Variants in SLC2A8 observed in about 807,000 individuals in gnomAD.
SLC2A8 encodes solute carrier family 2 member 8.
Under a neutral mutation model 49.2 loss-of-function variants are expected in SLC2A8, and 53 were observed. The ratio of observed to expected loss-of-function variants is 1.08; its 90% CI spans 0.86 to 1.35. SLC2A8 has a LOEUF of 1.35. Ranked by LOEUF, SLC2A8 falls within the 40% of genes most tolerant of loss-of-function variation. The probability of loss-of-function intolerance (pLI) is 0.00; values close to 1 mark genes in which losing one functional copy is unlikely to be tolerated. For missense variants in SLC2A8, 688 were observed against 671.7 expected, an observed-to-expected ratio of 1.02 and a Z score of -0.27; for synonymous variants, 299 against 297.0, an observed-to-expected ratio of 1.01 and a Z score of -0.07.
chr9:127,402,761 G>C lies in SLC2A8; in HGVS notation c.723+8G>C, dbSNP rs751957849. Reference sequence around the variant, plus strand: ...CCCATCGGGGCTGAGCAGGTGAGAGGCTGGAAGGCAGAGCTGACAGGAGTG... The same window carrying C: ...CCCATCGGGGCTGAGCAGGTGAGAGCCTGGAAGGCAGAGCTGACAGGAGTG... On this transcript the variant is annotated splice_region_variant and intron_variant, in intron 5 of 9. Transcript: ENST00000373371. 1.3e-6 allele frequency: 2 copies of C among 1,529,970 alleles called. No individual in the cohort carries two copies. The highest frequency in any genetic ancestry group is 1.8e-6 in the Non-Finnish European group (2 of 1,137,712). 94.8% of individuals were successfully genotyped at this position (1,529,970 alleles called of 1,614,324 possible).
At position 127,403,578 on chromosome 9, in the gene SLC2A8, C is replaced by G. The variant is rs1334943166; in HGVS notation, c.724-82C>G. 1.9e-6 allele frequency: 3 copies of G among 1,565,628 alleles called. No individual in the cohort carries two copies. In the African/African-American group the frequency reaches 4.0e-5, roughly 21 times the overall value. On this transcript the variant is annotated intron_variant, in intron 5 of 9. Transcript: ENST00000373371. ...GACGTGGGAGTCAGCGCTCCCCAAG[C>G]CTTAGGACAGTAGACCCCCAGAGGG...
chr9:127,403,235 CG>C (rs1833359167), intron 5 of SLC2A8: 2 of 86,122 alleles, frequency 2.3e-5, no homozygotes, highest in Non-Finnish European at 4.5e-5. Flanking sequence ...GAAAGGAAGG[CG>C]GGGCTTAGGG....
In SLC2A8 at chr9:127,397,547, C is replaced by T; in HGVS notation, c.219+9C>T. 7.1e-7 allele frequency: 1 copy of T among 1,402,756 alleles called. No homozygotes were observed. The allele number at this position is 1,402,756 out of a possible 1,614,324, so 86.9% of individuals were successfully genotyped here. ...CCGCCTCCTGGTTCGGGGTGAGGCC[C>T]CGGGCTCGCTCCTCCCGCCCTGGGA... On this transcript the variant is annotated intron_variant, in intron 2 of 9. Coordinates refer to ENST00000373371, the MANE Select transcript of SLC2A8 (RefSeq NM_014580.5).
rs903179168 is a variant in SLC2A8 at position 127,399,184 on chromosome 9, A to G, written c.427-723A>G. 5.3e-5 allele frequency among the ~76,000 whole-genome samples: 8 copies of G among 152,140 alleles called. No individual in the cohort carries two copies. The highest frequency in any genetic ancestry group is 1.2e-4 in the Non-Finnish European group (8 of 68,022). ...GCTTCTAGTCCAAGGCCACCACTCA[A>G]AGCGTGGGCCCTGGGCTAGGATCCT... On this transcript the variant is annotated intron_variant, in intron 3 of 9. Transcript: ENST00000373371. This position sits in a 1 kb window ranked among gnomAD's most constrained non-coding sequence, Gnocchi z 4.2.
Position 127,407,138 on chromosome 9 carries a change from C to G in SLC2A8, c.1323C>G (p.Phe441Leu), listed in dbSNP as rs778551956. 1 of 1,613,644 alleles carries G rather than the reference C, an allele frequency of 6.2e-7. No individual in the cohort carries two copies. Among genetic ancestry groups the G allele is most frequent in the Non-Finnish European group, 8.5e-7 (1 of 1,180,002 alleles). ...AGGTCCTCAGGCCCTATGGAGCCTT[C>G]TGGCTTGCCTCCGCTTTCTGCATCT... ...LMEVLRPYGAFWLASAFCIFS... is the reference protein window; with the variant it reads ...LMEVLRPYGALWLASAFCIFS... Residue 441 changes from phenylalanine (F) to leucine (L), a missense_variant, in exon 10 of 10, where the codon TTC (phenylalanine) becomes TTG (leucine). Coordinates refer to ENST00000373371, the MANE Select transcript of SLC2A8 (RefSeq NM_014580.5).
intron 4 of SLC2A8, chr9:127,402,265 C>A: frequency 2.6e-6 from 1 of 391,194 alleles, no homozygotes; most frequent in Non-Finnish European, 4.6e-6. Context: ...TGCGGACACG[C>A]AGCAAGCACC....
At chr9:127,406,441 T>G (rs1564221143) in intron 9 of SLC2A8, among the ~76,000 whole-genome samples, 1 of 151,984 alleles carries the variant, frequency 6.6e-6, no homozygotes, top group African/African-American at 2.4e-5. Flanking sequence ...TGGGAGGGGA[T>G]GCGCAGCAAA....
chr9:127,397,744 C>T (rs1479900316), intron 2 of SLC2A8, among the ~76,000 whole-genome samples, 161 bp from the exon 3 acceptor site: 1 of 152,060 alleles, frequency 6.6e-6, no homozygotes, highest in Non-Finnish European at 1.5e-5. Flanking sequence ...GCCCCCACCC[C>T]TCCCCTCGGG....
chr9:127,399,437 T>C lies in SLC2A8; in HGVS notation c.427-470T>C, dbSNP rs955748637. ...AGTGGTGGGGACCTGGGGATGGCTCTGCTCACCTAGGCAGGTTCCACTAAG... is the reference window on the plus strand; with the variant it reads ...AGTGGTGGGGACCTGGGGATGGCTCCGCTCACCTAGGCAGGTTCCACTAAG... On this transcript the variant is annotated intron_variant, in intron 3 of 9. Transcript: ENST00000373371. The surrounding 1 kb of genome is among the most constrained non-coding windows in gnomAD (Gnocchi z 4.2). 6.6e-6 allele frequency among the ~76,000 whole-genome samples: 1 copy of C among 152,148 alleles called. No individual in the cohort carries two copies. The highest frequency in any genetic ancestry group is 1.5e-5 in the Non-Finnish European group (1 of 68,034).
chr9:127,407,314 G>A lies in SLC2A8; in HGVS notation c.*65G>A. 6.3e-7 allele frequency: 1 copy of A among 1,599,210 alleles called. No homozygotes were observed. On this transcript the variant is annotated 3_prime_UTR_variant, in exon 10 of 10. Coordinates refer to ENST00000373371, the MANE Select transcript of SLC2A8 (RefSeq NM_014580.5). ...AGCTGGGCCCAAGCCCAGAGCCCCTGCCTGCCCCAGGGGAGCCAGAATCCA... is the reference window on the plus strand; with the variant it reads ...AGCTGGGCCCAAGCCCAGAGCCCCTACCTGCCCCAGGGGAGCCAGAATCCA...
At chr9:127,407,002 C>G in intron 9 of SLC2A8, 110 bp from the exon 10 acceptor site, 1 of 1,245,356 alleles carries the variant, frequency 8.0e-7, no homozygotes, top group South Asian at 1.3e-5. Context: ...TTGGGCAGGG[C>G]AGGCTGGGGT....
intron 3 of SLC2A8, chr9:127,398,418 G>A: frequency 1.4e-6 from 1 of 714,862 alleles, no homozygotes; most frequent in African/African-American, 1.7e-5. Flanking sequence ...ACTTAGCCGT[G>A]CCCCTCTTTT....
Position 127,397,888 on chromosome 9 carries a change from C to A in SLC2A8, c.220-17C>A. 6.8e-7 allele frequency: 1 copy of A among 1,468,184 alleles called. No individual in the cohort carries two copies. 90.9% of individuals were successfully genotyped at this position (1,468,184 alleles called of 1,614,324 possible). ...TGCGGCTTCGGCGCCCCCTCCTCAG[C>A]AGCCGCCCGCCTCCAGGCTGTCGTG... On this transcript the variant is annotated splice_polypyrimidine_tract_variant and intron_variant, in intron 2 of 9. Coordinates refer to ENST00000373371, the MANE Select transcript of SLC2A8 (RefSeq NM_014580.5).
intron 8 of SLC2A8, 105 bp from the exon 9 acceptor site, chr9:127,405,315 C>A: frequency 7.4e-7 from 1 of 1,357,482 alleles, no homozygotes; most frequent in Non-Finnish European, 1.0e-6. Context: ...ATCCGGGACC[C>A]CACAGCCCCA....
At chr9:127,397,340 C>A in intron 1 of SLC2A8, 36 bp from the exon 2 acceptor site, 1 of 1,397,522 alleles carries the variant, frequency 7.2e-7, no homozygotes, top group East Asian at 3.0e-5. Context: ...CGCCCCTCCG[C>A]GTCCGCTCCG....
Position 127,404,855 on chromosome 9 carries a change from C to G in SLC2A8, c.1014C>G (p.Ala338=). 7 of 1,612,654 alleles carry G rather than the reference C, an allele frequency of 4.3e-6. No homozygotes were observed. Among genetic ancestry groups the G allele is most frequent in the Non-Finnish European group, 5.9e-6 (7 of 1,179,732 alleles). Residue 338 remains alanine, a synonymous_variant, in exon 8 of 10, where the codon GCC becomes GCG. Coordinates refer to ENST00000373371, the MANE Select transcript of SLC2A8 (RefSeq NM_014580.5). ...TGTTCAGCACGAGTGCCTTCGGCGC[C>G]TACTTCAAGCTGACCCAGGGTGGCC... The part of the protein sequence containing the change: ...VMVFSTSAFG[A]YFKLTQGGPG...
rs1296345960 is a variant in SLC2A8 at position 127,397,405 on chromosome 9, C to T, written c.86C>T (p.Ala29Val). Residue 29 changes from alanine to valine, a missense_variant, in exon 2 of 10, where the codon GCC becomes GTC. By Grantham distance (64) the Ala-to-Val change is moderately conservative. Transcript: ENST00000373371. Reference sequence around the variant, plus strand: ...CCCCGCGGCCGCCGCGTCTTCCTCGCCGCCTTCGCCGCTGCCCTGGGCCCA... The same window carrying T: ...CCCCGCGGCCGCCGCGTCTTCCTCGTCGCCTTCGCCGCTGCCCTGGGCCCA... ...SAPRGRRVFL[A>V]AFAAALGPLS... 1.4e-6 allele frequency: 2 copies of T among 1,474,760 alleles called. No individual in the cohort carries two copies. Among genetic ancestry groups the T allele is most frequent in the Non-Finnish European group, 1.8e-6 (2 of 1,121,452 alleles). 91.4% of individuals were successfully genotyped at this position (1,474,760 alleles called of 1,614,324 possible). A position where few individuals can be genotyped will look rare whatever the true frequency, so the allele number is the denominator to read the frequency against.
At chr9:127,403,938 C>T (rs377045135) in intron 6 of SLC2A8, 21 bp from the exon 7 acceptor site, 9 of 1,609,084 alleles carry the variant, frequency 5.6e-6, no homozygotes, top group Admixed American at 3.3e-5. Context: ...ACCTGACCTG[C>T]CTGGGCTCTG....
rs1040854665 is a variant in SLC2A8, at chr9:127,397,755, A to G, written c.220-150A>G. ...CTCAGCCCCCACCCCTCCCCTCGGGACGAGCACCGGGCCCCTCAGCCCCCT... is the reference window on the plus strand; with the variant it reads ...CTCAGCCCCCACCCCTCCCCTCGGGGCGAGCACCGGGCCCCTCAGCCCCCT... On this transcript the variant is annotated intron_variant, in intron 2 of 9. Coordinates refer to ENST00000373371, the MANE Select transcript of SLC2A8 (RefSeq NM_014580.5). The G allele has an allele frequency of 8.5e-6, 9 of 1,061,620 alleles. No individual in the cohort carries two copies. The African/African-American group carries it at 1.0e-4, about 12-fold the overall frequency. 65.8% of individuals were successfully genotyped at this position (1,061,620 alleles called of 1,614,324 possible).
Sources: gnomAD v4.1 joint callset for allele counts (sites outside exome capture counted in the v4.1 genomes callset) on GRCh38, gnomAD v4.1.1 for gene constraint, Gnocchi (gnomAD v3.1) non-coding constraint, MANE v1.5 for transcripts, NCBI Gene and HGNC (gene_info 2026-07-23, HGNC 2026-07-21) for gene names.